Variants in SCAPER observed in about 807,000 individuals in gnomAD.
SCAPER encodes S phase cyclin A-associated protein in the endoplasmic reticulum.
In SCAPER, 98 loss-of-function variants were observed where a neutral mutation model predicts 182.2. That is an observed-to-expected ratio of 0.54 (90% confidence interval 0.46 to 0.64). SCAPER has a LOEUF of 0.64. Among genes scored for constraint, SCAPER ranks in the 30% least tolerant of loss-of-function variants. The probability of loss-of-function intolerance (pLI) is 0.00; values close to 1 mark genes in which losing one functional copy is unlikely to be tolerated. For synonymous variants in SCAPER, 605 were observed against 564.6 expected (o/e 1.07, Z -1.01); for missense variants, 1,432 against 1,690.0 (o/e 0.85, Z 2.68).
At chr15:76,414,228 G>A (rs927411406) in intron 26 of SCAPER, among the ~76,000 whole-genome samples, 3 of 152,032 alleles carry the variant, frequency 2.0e-5, no homozygotes, top group African/African-American at 7.2e-5. Context: ...TGTATGATTG[G>A]CATATTTCTC....
intron 26 of SCAPER, among the ~76,000 whole-genome samples, chr15:76,420,125 AG>A (rs2045925642): frequency 1.3e-5 from 2 of 152,202 alleles, no homozygotes. Flanking sequence ...TCAGTATACA[AG>A]GAACATACCT....
At chr15:76,499,552 A>G (rs764012527) in intron 24 of SCAPER, among the ~76,000 whole-genome samples, 5 of 152,202 alleles carry the variant, frequency 3.3e-5, no homozygotes, top group East Asian at 1.9e-4. Context: ...ATGATGTCCT[A>G]TGATTTACAA....
intron 21 of SCAPER, among the ~76,000 whole-genome samples, chr15:76,629,205 C>A (rs2052867446): frequency 6.6e-6 from 1 of 152,352 alleles, no homozygotes; most frequent in East Asian, 1.9e-4. Flanking sequence ...CATCTGCGAA[C>A]AAAGACACTT....
intron 22 of SCAPER, 96 bp downstream of exon 22, chr15:76,621,668 A>T: frequency 5.0e-6 from 5 of 1,007,416 alleles, no homozygotes; most frequent in South Asian, 3.0e-5. Flanking sequence ...AATTAGAATC[A>T]AAGAACCTTA....
intron 15 of SCAPER, among the ~76,000 whole-genome samples, chr15:76,736,028 G>A (rs1021916589): frequency 6.6e-6 from 1 of 152,068 alleles, no homozygotes; most frequent in African/African-American, 2.4e-5. Flanking sequence ...ACATGTACAG[G>A]CATACCTCAA....
At chr15:76,606,220 G>A (rs1402986168) in intron 22 of SCAPER, among the ~76,000 whole-genome samples, 2 of 152,186 alleles carry the variant, frequency 1.3e-5, no homozygotes, top group Non-Finnish European at 2.9e-5. Context: ...GGTATGTTGT[G>A]TCTTTGTTCT....
intron 8 of SCAPER, among the ~76,000 whole-genome samples, chr15:76,789,535 G>A (rs1045298316): frequency 2.0e-5 from 3 of 152,110 alleles, no homozygotes; most frequent in Non-Finnish European, 4.4e-5. Flanking sequence ...GTCAAGAGAG[G>A]AGTATATCAA....
At chr15:76,791,887 C>T (rs945300472) in intron 8 of SCAPER, among the ~76,000 whole-genome samples, 1 of 151,650 alleles carries the variant, frequency 6.6e-6, no homozygotes, top group African/African-American at 2.4e-5. Flanking sequence ...CAAACCAAAC[C>T]AAAGGTCACC....
intron 31 of SCAPER, chr15:76,350,857 T>C (rs1296974163): frequency 6.3e-6 from 1 of 159,560 alleles, no homozygotes; most frequent in East Asian, 1.8e-4. Context: ...TGAACATGGA[T>C]AAGGAACCAA....
chr15:76,361,433 T>C (rs2141732231), intron 29 of SCAPER, among the ~76,000 whole-genome samples: 1 of 152,270 alleles, frequency 6.6e-6, no homozygotes, highest in Admixed American at 6.5e-5. Flanking sequence ...GAGTGCCCAG[T>C]TTTTCCACAA....
At chr15:76,820,004 G>T (rs1044658345) in intron 5 of SCAPER, among the ~76,000 whole-genome samples, 29 of 152,308 alleles carry the variant, frequency 1.9e-4, no homozygotes, top group South Asian at 8.3e-4. Context: ...ATCATCACTG[G>T]ACATCAGAGA....
chr15:76,616,466 G>C (rs1264198073), intron 22 of SCAPER, among the ~76,000 whole-genome samples: 1 of 152,078 alleles, frequency 6.6e-6, no homozygotes, highest in Non-Finnish European at 1.5e-5. Flanking sequence ...CAAGTGCTAG[G>C]AACAGGAGGT....
intron 4 of SCAPER, among the ~76,000 whole-genome samples, chr15:76,854,803 C>CAAAAAAA (rs35484908): frequency 8.4e-6 from 1 of 118,376 alleles, no homozygotes; most frequent in Non-Finnish European, 1.7e-5. Flanking sequence ...ACTAAAAATA[C>CAAAAAAA]AAAAAAAAAA....
At chr15:76,810,679 TA>T (rs1308200275) in intron 5 of SCAPER, among the ~76,000 whole-genome samples, 1 of 151,958 alleles carries the variant, frequency 6.6e-6, no homozygotes, top group African/African-American at 2.4e-5. Flanking sequence ...ATAATTATTT[TA>T]AATGTAAACA....
intron 23 of SCAPER, among the ~76,000 whole-genome samples, chr15:76,549,173 C>T (rs1254341059): frequency 6.6e-6 from 1 of 151,758 alleles, no homozygotes; most frequent in East Asian, 1.9e-4. Flanking sequence ...GACATTGATG[C>T]AAAACCATTG....
chr15:76,680,001 A>C (rs1167999474), intron 20 of SCAPER, among the ~76,000 whole-genome samples: 2 of 152,222 alleles, frequency 1.3e-5, no homozygotes, highest in Admixed American at 1.3e-4. Context: ...CAGATTTCAA[A>C]TACAGCAACT....
intron 24 of SCAPER, among the ~76,000 whole-genome samples, chr15:76,501,320 AGT>A (rs2041095134): frequency 2.7e-5 from 4 of 150,368 alleles, no homozygotes; most frequent in Non-Finnish European, 5.9e-5. Context: ...CATTTCCAGA[AGT>A]AGGTATAACT....
At chr15:76,757,025 T>C (rs2062478872) in intron 14 of SCAPER, among the ~76,000 whole-genome samples, 1 of 151,658 alleles carries the variant, frequency 6.6e-6, no homozygotes, top group East Asian at 1.9e-4. Flanking sequence ...CCCACCCACT[T>C]ACCCAAACTT....
intron 1 of SCAPER, among the ~76,000 whole-genome samples, chr15:76,898,719 AGGGTG>A (rs1261277634): frequency 1.3e-5 from 2 of 152,200 alleles, no homozygotes; most frequent in Non-Finnish European, 2.9e-5. Context: ...AGTAGATGAG[AGGGTG>A]GCTGTAGCTG....
Sources: gnomAD v4.1 joint callset for allele counts (sites outside exome capture counted in the v4.1 genomes callset) on GRCh38, gnomAD v4.1.1 for gene constraint, MANE v1.5 for transcripts, NCBI Gene and HGNC (gene_info 2026-07-23, HGNC 2026-07-21) for gene names.